ZNF416: variants seen among roughly 807,000 people sequenced by gnomAD.
ZNF416 encodes the protein zinc finger protein 416.
Under a neutral mutation model 10.9 loss-of-function variants are expected in ZNF416, and 5 were observed. The observed-to-expected ratio is 0.46, with a 90% CI of 0.24 to 0.97. ZNF416 has a LOEUF of 0.97. Among genes scored for constraint, ZNF416 ranks in the 50% least tolerant of loss-of-function variants. ZNF416 has a pLI of 0.19. For synonymous variants in ZNF416, 267 were observed against 251.8 expected (o/e 1.06, Z -0.57); for missense variants, 675 against 715.0 (o/e 0.94, Z 0.64).
At chr19:57,573,798 A>G (rs1186529970) in intron 3 of ZNF416, 97 bp from the exon 4 acceptor site, 5 of 1,480,710 alleles carry the variant, frequency 3.4e-6, no homozygotes, top group Admixed American at 2.1e-5. Context: ...GTGTTCTGAC[A>G]TCTTAAAAAC....
Position 57,574,136 on chromosome 19 carries a change from C to T in ZNF416, c.203-435G>A, listed in dbSNP as rs74406407. 3.9e-3 allele frequency among the ~76,000 whole-genome samples: 589 copies of T among 152,304 alleles called. 10 individuals carry two copies. Among genetic ancestry groups the T allele is most frequent in the African/African-American group, 0.014 (573 of 41,572 alleles). On this transcript the variant is annotated intron_variant, in intron 3 of 3. Transcript: ENST00000196489. ...GCAAAGGGCTCAGCAAGGAGCATAA[C>T]AAATACACCATCAATCCAGAGCCCA...
At position 57,572,048 on chromosome 19, in the gene ZNF416, A is replaced by G; in HGVS notation, c.*71T>C. The G allele has an allele frequency of 1.4e-5, 22 of 1,548,500 alleles. No individual in the cohort carries two copies. The highest frequency in any genetic ancestry group is 5.0e-5 in the South Asian group (4 of 80,548). ...TCCTTCACAAAGGCTCTCTATAGCCATAACACTGAAGAAAGACATGGCACA... is the reference window on the plus strand; with the variant it reads ...TCCTTCACAAAGGCTCTCTATAGCCGTAACACTGAAGAAAGACATGGCACA... On this transcript the variant is annotated 3_prime_UTR_variant, in exon 4 of 4. Coordinates refer to ENST00000196489, the MANE Select transcript of ZNF416 (RefSeq NM_017879.3). This position sits in a 1 kb window ranked among gnomAD's most constrained non-coding sequence, Gnocchi z 4.5.
In ZNF416 at chr19:57,572,466, T is replaced by C; in HGVS notation, c.1438A>G (p.Lys480Glu). ...TGAGTTCTCTGGTGCCTAACAAGTT[T>C]AGATTTGAACATAAAAGCTTTCCCA... ...ECGKAFMFKS[K>E]LVRHQRTHTG... The change falls in exon 4 of 4, where the codon AAA becomes GAA. Residue 480 changes from lysine to glutamate, a missense_variant. Lys to Glu is a moderately conservative substitution (Grantham distance 56). Transcript: ENST00000196489. The surrounding 1 kb of genome is among the most constrained non-coding windows in gnomAD (Gnocchi z 4.5). 1.2e-6 allele frequency: 2 copies of C among 1,613,978 alleles called. No homozygotes were observed. The highest frequency in any genetic ancestry group is 1.7e-6 in the Non-Finnish European group (2 of 1,179,968).
rs781082119 is a variant in ZNF416, at chr19:57,575,798, C to A, written c.202+6G>T. 1 of 1,613,988 alleles carries A rather than the reference C, an allele frequency of 6.2e-7. No homozygotes were observed. The highest frequency in any genetic ancestry group is 1.7e-5 in the Admixed American group (1 of 60,014). Reference sequence around the variant, plus strand: ...CAGGACACGAGAGTGGGTGTGAGGGCCTTACCCAGCGCAGTTATAAGTGCA... The same window carrying A: ...CAGGACACGAGAGTGGGTGTGAGGGACTTACCCAGCGCAGTTATAAGTGCA... On this transcript the variant is annotated splice_donor_region_variant and intron_variant, in intron 3 of 3. Transcript: ENST00000196489. The surrounding 1 kb of genome is among the most constrained non-coding windows in gnomAD (Gnocchi z 4.4).
In ZNF416 at chr19:57,578,683, C is replaced by T; in HGVS notation, c.22G>A (p.Asp8Asn). MAAAVLR[D>N]STSVPVTAEA... ...GACGCAGCACTCACCGAAGTCGAAT[C>T]CCTAAGCACGGCCGCCGCCATCGGA... The change falls in exon 1 of 4, where the codon GAT becomes AAT. Residue 8 changes from aspartate to asparagine, a missense_variant. By Grantham distance (23) the Asp-to-Asn change is conservative (BLOSUM62 1). Transcript: ENST00000196489. 6.4e-7 allele frequency: 1 copy of T among 1,555,222 alleles called. No homozygotes were observed. Among genetic ancestry groups the T allele is most frequent in the Non-Finnish European group, 8.7e-7 (1 of 1,151,974 alleles).
At chr19:57,574,862 G>T (rs1978474221) in intron 3 of ZNF416, among the ~76,000 whole-genome samples, 1 of 152,212 alleles carries the variant, frequency 6.6e-6, no homozygotes, top group Admixed American at 6.5e-5. Flanking sequence ...GTGAGTGGGA[G>T]ATTCCAATTG....
chr19:57,573,732 C>G (rs150485084), intron 3 of ZNF416, 31 bp from the exon 4 acceptor site: 6 of 1,591,382 alleles, frequency 3.8e-6, no homozygotes, highest in Middle Eastern at 1.7e-4. Flanking sequence ...ATGAAATGCA[C>G]GTTGACTATG....
At position 57,572,719 on chromosome 19, in the gene ZNF416, G is replaced by A; in HGVS notation, c.1185C>T (p.Phe395=). The A allele has an allele frequency of 6.2e-7, 1 of 1,613,246 alleles. No individual in the cohort carries two copies. Among genetic ancestry groups the A allele is most frequent in the South Asian group, 1.1e-5 (1 of 91,014 alleles). ...GAATTCTCTGGTGTACAACAAGGCT[G>A]AAGCTTTGTCTGAATAATTTCCCAC... ...GECGKLFRQS[F]SLVVHQRIHT... Residue 395 remains phenylalanine, a synonymous_variant, in exon 4 of 4, where the codon TTC becomes TTT. Transcript: ENST00000196489. This position sits in a 1 kb window ranked among gnomAD's most constrained non-coding sequence, Gnocchi z 4.5.
chr19:57,578,274 A>G (rs1978619463), intron 1 of ZNF416, among the ~76,000 whole-genome samples, 176 bp from the exon 2 acceptor site: 1 of 152,104 alleles, frequency 6.6e-6, no homozygotes, highest in Non-Finnish European at 1.5e-5. Flanking sequence ...ACAAGGACTC[A>G]ACTTCCCTGT....
At position 57,575,774 on chromosome 19, in the gene ZNF416, A is replaced by T. The variant is rs1361246791; in HGVS notation, c.202+30T>A. ...AGGAAAAAGAGGATAGACGAAGACC[A>T]GGACACGAGAGTGGGTGTGAGGGCC... On this transcript the variant is annotated intron_variant, in intron 3 of 3. Transcript: ENST00000196489. This position sits in a 1 kb window ranked among gnomAD's most constrained non-coding sequence, Gnocchi z 4.4. 1.2e-6 allele frequency: 2 copies of T among 1,613,690 alleles called. No individual in the cohort carries two copies. The highest frequency in any genetic ancestry group is 2.7e-5 in the African/African-American group (2 of 74,916).
At chr19:57,577,221 C>G (rs1041628531) in intron 2 of ZNF416, among the ~76,000 whole-genome samples, 2 of 152,144 alleles carry the variant, frequency 1.3e-5, no homozygotes, top group Non-Finnish European at 2.9e-5. Flanking sequence ...ACTAACTGTT[C>G]TTTGAAACAT....
chr19:57,572,055 T>C lies in ZNF416; in HGVS notation c.*64A>G, dbSNP rs1241709917. 1.3e-6 allele frequency: 2 copies of C among 1,554,688 alleles called. No individual in the cohort carries two copies. Among genetic ancestry groups the C allele is most frequent in the African/African-American group, 2.7e-5 (2 of 73,154 alleles). On this transcript the variant is annotated 3_prime_UTR_variant, in exon 4 of 4. Coordinates refer to ENST00000196489, the MANE Select transcript of ZNF416 (RefSeq NM_017879.3). The surrounding 1 kb of genome is among the most constrained non-coding windows in gnomAD (Gnocchi z 4.5). The stretch of plus-strand genomic sequence containing the variant: ...CAAAGGCTCTCTATAGCCATAACAC[T>C]GAAGAAAGACATGGCACATTCCCTG...
intron 2 of ZNF416, among the ~76,000 whole-genome samples, chr19:57,577,514 C>G (rs1978586688): frequency 6.6e-6 from 1 of 152,166 alleles, no homozygotes; most frequent in Non-Finnish European, 1.5e-5. Context: ...AGCCACCACA[C>G]AAGTCCAGCC....
rs1030472044 is a variant in ZNF416, at chr19:57,572,692, G to A, written c.1212C>T (p.His404=). 1 of 1,614,120 alleles carries A rather than the reference G, an allele frequency of 6.2e-7. No homozygotes were observed. Among genetic ancestry groups the A allele is most frequent in the African/African-American group, 1.3e-5 (1 of 75,032 alleles). ...SFSLVVHQRI[H]TTARPYECGQ... is the part of the protein sequence containing the mutation. ...CACACTCATAAGGCCTTGCTGTAGT[G>A]TGAATTCTCTGGTGTACAACAAGGC... Residue 404 remains histidine (H), a synonymous_variant, in exon 4 of 4, where the codon CAC becomes CAT. Coordinates refer to ENST00000196489, the MANE Select transcript of ZNF416 (RefSeq NM_017879.3). This position sits in a 1 kb window ranked among gnomAD's most constrained non-coding sequence, Gnocchi z 4.5.
At chr19:57,578,322 T>C (rs1978621756) in intron 1 of ZNF416, 1 of 599,824 alleles carries the variant, frequency 1.7e-6, no homozygotes. Context: ...GTTCCAACTC[T>C]GAGTAACTTT....
chr19:57,572,342 G>C lies in ZNF416; in HGVS notation c.1562C>G (p.Pro521Arg), dbSNP rs759074213. Residue 521 changes from proline to arginine, a missense_variant, in exon 4 of 4, where the codon CCT becomes CGT. By Grantham distance (103) the Pro-to-Arg change is moderately radical (BLOSUM62 -2). Transcript: ENST00000196489. The surrounding 1 kb of genome is among the most constrained non-coding windows in gnomAD (Gnocchi z 4.5). The stretch of plus-strand genomic sequence containing the variant: ...TTTCCCGCACTGTCCACAGTCGTAA[G>C]GCCTTAATCCAGTGTGAATTTTCTG... ...EHQKIHTGLR[P>R]YDCGQCGKSF... is the part of the protein sequence containing the mutation. 6.2e-7 allele frequency: 1 copy of C among 1,614,184 alleles called. No homozygotes were observed. Among genetic ancestry groups the C allele is most frequent in the East Asian group, 2.2e-5 (1 of 44,884 alleles).
Position 57,571,672 on chromosome 19 carries a change from A to G in ZNF416, c.*447T>C, listed in dbSNP as rs1164617212. 1 of 161,416 alleles carries G rather than the reference A, an allele frequency of 6.2e-6. No homozygotes were observed. Among genetic ancestry groups the G allele is most frequent in the Non-Finnish European group, 1.4e-5 (1 of 72,920 alleles). The allele number at this position is 161,416 out of a possible 1,614,324, so 10.0% of individuals were successfully genotyped here. ...TGGAAAAACTACCAAGTGTTGTGTG[A>G]AAACAAGAATTTCCATGAAGGGAAG... On this transcript the variant is annotated 3_prime_UTR_variant, in exon 4 of 4. Coordinates refer to ENST00000196489, the MANE Select transcript of ZNF416 (RefSeq NM_017879.3).
chr19:57,571,715 C>A lies in ZNF416; in HGVS notation c.*404G>T. 6.0e-6 allele frequency: 1 copy of A among 166,506 alleles called. No homozygotes were observed. Among genetic ancestry groups the A allele is most frequent in the Non-Finnish European group, 1.3e-5 (1 of 76,568 alleles). The allele number at this position is 166,506 out of a possible 1,614,324, so 10.3% of individuals were successfully genotyped here. ...AAGGGAAGCCTTCCACATCAGCTTC[C>A]AGCAGAACCCAGGCTGGGCCCTTCT... On this transcript the variant is annotated 3_prime_UTR_variant, in exon 4 of 4. Coordinates refer to ENST00000196489, the MANE Select transcript of ZNF416 (RefSeq NM_017879.3).
intron 1 of ZNF416, chr19:57,578,356 T>A: frequency 1.7e-6 from 1 of 584,342 alleles, no homozygotes; most frequent in South Asian, 2.2e-5. Context: ...AAAGTCTAAC[T>A]CAGACCATGT....
Sources: allele counts gnomAD v4.1 joint callset (sites outside exome capture counted in the v4.1 genomes callset), GRCh38; gene constraint gnomAD v4.1.1; non-coding constraint Gnocchi (gnomAD v3.1); transcripts MANE v1.5; gene names NCBI Gene and HGNC (gene_info 2026-07-23, HGNC 2026-07-21).